The following CHD9 variants were observed in gnomAD, a reference collection of about 807,000 sequenced individuals.
The protein encoded by CHD9 is chromodomain helicase DNA binding protein 9.
CHD9 carries 77 observed loss-of-function variants against 316.1 expected under a neutral mutation model. The observed-to-expected ratio is 0.24, with a 90% CI of 0.20 to 0.29. CHD9 has a LOEUF of 0.29. CHD9 is among the 10% of genes least tolerant of loss of function. CHD9 has a pLI of 1.00. For synonymous variants in CHD9, 1,129 were observed against 1,158.3 expected, an observed-to-expected ratio of 0.97 and a Z score of 0.51; for missense variants, 2,763 against 3,438.1, an observed-to-expected ratio of 0.80 and a Z score of 4.91.
chr16:53,195,348 T>G (rs1385929902), intron 2 of CHD9, among the ~76,000 whole-genome samples: 1 of 152,222 alleles, frequency 6.6e-6, no homozygotes, highest in East Asian at 1.9e-4. Flanking sequence ...GTTCAATCAT[T>G]GGGTATACGA....
chr16:53,060,225 A>G (rs1022122111), intron 1 of CHD9, among the ~76,000 whole-genome samples: 5 of 151,232 alleles, frequency 3.3e-5, no homozygotes, highest in African/African-American at 1.2e-4. Context: ...TTCTTAGCTC[A>G]CAGGCTATAC....
intron 2 of CHD9, among the ~76,000 whole-genome samples, chr16:53,183,564 A>G (rs1375099160): frequency 6.6e-6 from 1 of 152,196 alleles, no homozygotes; most frequent in African/African-American, 2.4e-5. Flanking sequence ...TATATAATTA[A>G]ACATTAACAA....
chr16:53,311,132 G>A (rs1165253343), intron 34 of CHD9: 1 of 149,474 alleles, frequency 6.7e-6, no homozygotes, highest in East Asian at 2.0e-4. Flanking sequence ...CTGAGCCATG[G>A]TTGTGCCACT....
chr16:53,176,373 GGCCT>G (rs1487706211), intron 2 of CHD9, among the ~76,000 whole-genome samples: 1 of 152,066 alleles, frequency 6.6e-6, no homozygotes, highest in Non-Finnish European at 1.5e-5. Context: ...GATTACATCG[GGCCT>G]ACATGGATAA....
chr16:53,154,630 G>A (rs1388869767), intron 1 of CHD9, among the ~76,000 whole-genome samples: 1 of 152,122 alleles, frequency 6.6e-6, no homozygotes, highest in Admixed American at 6.6e-5. Flanking sequence ...TCTTATAAGG[G>A]AGCACAGCCT....
At chr16:53,285,163 A>G (rs899557654) in intron 24 of CHD9, among the ~76,000 whole-genome samples, 6 of 152,158 alleles carry the variant, frequency 3.9e-5, no homozygotes, top group South Asian at 2.1e-4. Context: ...TAGAGGAGCT[A>G]TTACTTGTTC....
intron 27 of CHD9, among the ~76,000 whole-genome samples, chr16:53,289,806 T>C (rs1245210035): frequency 6.6e-6 from 1 of 152,166 alleles, no homozygotes; most frequent in Non-Finnish European, 1.5e-5. Flanking sequence ...CATGTCTCAC[T>C]GGATGGCAGA....
At chr16:53,219,163 A>G (rs911485559) in intron 3 of CHD9, among the ~76,000 whole-genome samples, 52 of 152,182 alleles carry the variant, frequency 3.4e-4, no homozygotes, top group African/African-American at 1.2e-3. Flanking sequence ...CTGACTTTGC[A>G]TTACACTTTA....
At chr16:53,232,035 G>A (rs989413274) in intron 10 of CHD9, among the ~76,000 whole-genome samples, 9 of 152,028 alleles carry the variant, frequency 5.9e-5, no homozygotes, top group Non-Finnish European at 1.3e-4. Context: ...GTAAGAGAAG[G>A]AAATGAATTA....
chr16:53,165,020 C>T (rs1248608603), intron 2 of CHD9, among the ~76,000 whole-genome samples: 1 of 152,062 alleles, frequency 6.6e-6, no homozygotes, highest in Non-Finnish European at 1.5e-5. Context: ...AAGGTAAATC[C>T]AATAATTATC....
At chr16:53,288,403 A>G (rs1384570823) in intron 27 of CHD9, among the ~76,000 whole-genome samples, 1 of 152,248 alleles carries the variant, frequency 6.6e-6, no homozygotes, top group Admixed American at 6.5e-5. Context: ...TAGAGCATCA[A>G]GGAATTCTGA....
At chr16:53,104,677 T>G (rs904378493) in intron 1 of CHD9, among the ~76,000 whole-genome samples, 1 of 151,876 alleles carries the variant, frequency 6.6e-6, no homozygotes, top group African/African-American at 2.4e-5. Flanking sequence ...CTGGGCATGG[T>G]GGCAGGTACC....
chr16:53,184,931 A>T (rs1421070), intron 2 of CHD9, among the ~76,000 whole-genome samples: 47,847 of 151,850 alleles, frequency 0.32, 7,726 homozygotes, highest in Middle Eastern at 0.38. Context: ...GAAGGACATA[A>T]TTGCTTTCCC....
intron 1 of CHD9, chr16:53,121,224 A>G (rs2038717947): frequency 2.5e-6 from 1 of 397,294 alleles, no homozygotes; most frequent in African/African-American, 2.1e-5. Context: ...GATCCCCTTT[A>G]AATACTTGCT....
At chr16:53,151,536 G>A (rs905281964) in intron 1 of CHD9, among the ~76,000 whole-genome samples, 11 of 152,072 alleles carry the variant, frequency 7.2e-5, no homozygotes, top group South Asian at 2.1e-4. Context: ...GATTACAGGC[G>A]TGAGACACCA....
Position 53,282,848 on chromosome 16 carries a change from C to T in CHD9, c.4968-2748C>T, listed in dbSNP as rs1043847663. 2.0e-5 allele frequency among the ~76,000 whole-genome samples: 3 copies of T among 152,110 alleles called. No homozygotes were observed. The East Asian group carries it at 5.8e-4, about 29-fold the overall frequency. ...TCCTGTGGTTTTTCTTTTTACCTTTCTGCTTGCTGCTTTTCAGGCATGTTT... is the reference window on the plus strand; with the variant it reads ...TCCTGTGGTTTTTCTTTTTACCTTTTTGCTTGCTGCTTTTCAGGCATGTTT... On this transcript the variant is annotated intron_variant, in intron 24 of 38. Coordinates refer to ENST00000447540, the MANE Select transcript of CHD9 (RefSeq NM_001308319.2).
chr16:53,101,603 G>C (rs2036892572), intron 1 of CHD9, among the ~76,000 whole-genome samples: 1 of 152,068 alleles, frequency 6.6e-6, no homozygotes, highest in Non-Finnish European at 1.5e-5. Context: ...AAAGGAAGAA[G>C]GAAAGAAATT....
rs911857744 is a variant in CHD9 at position 53,199,941 on chromosome 16, A to C, written c.1453-9541A>C. On this transcript the variant is annotated intron_variant, in intron 2 of 38. Transcript: ENST00000447540. The stretch of plus-strand genomic sequence containing the variant: ...ATAGTGTCAGATTATAAACCATAGA[A>C]AGAAAGTAATATCGGCTGGCACGGT... Among the ~76,000 whole-genome samples, 5 of 152,188 alleles carry C rather than the reference A, an allele frequency of 3.3e-5. No individual in the cohort carries two copies. The South Asian group carries it at 1.0e-3, about 31-fold the overall frequency.
intron 1 of CHD9, among the ~76,000 whole-genome samples, chr16:53,126,772 A>C (rs1222976494): frequency 1.3e-5 from 2 of 151,620 alleles, no homozygotes; most frequent in Non-Finnish European, 2.9e-5. Context: ...TCCGCCTCCC[A>C]GGTTCAAGCA....
Sources: allele counts gnomAD v4.1 joint callset (sites outside exome capture counted in the v4.1 genomes callset), GRCh38; gene constraint gnomAD v4.1.1; transcripts MANE v1.5; gene names NCBI Gene and HGNC (gene_info 2026-07-23, HGNC 2026-07-21).